Variants in TRIM16 observed in about 807,000 individuals in gnomAD.
TRIM16 encodes the protein tripartite motif containing 16.
In TRIM16, 33 loss-of-function variants were observed where a neutral mutation model predicts 50.4. The observed-to-expected ratio is 0.65, with a 90% CI of 0.50 to 0.88. The LOEUF (loss-of-function observed/expected upper bound fraction) is 0.88. Ranked by LOEUF, TRIM16 falls within the 40% of genes least tolerant of loss-of-function variation. TRIM16 has a pLI of 0.00. For missense variants in TRIM16, 581 were observed against 686.8 expected (o/e 0.85, Z 1.72); for synonymous variants, 229 against 270.7 (o/e 0.85, Z 1.51).
chr17:15,660,230 T>C (rs968720667), intron 6 of TRIM16, among the ~76,000 whole-genome samples: 3 of 152,152 alleles, frequency 2.0e-5, no homozygotes, highest in Non-Finnish European at 4.4e-5. Flanking sequence ...GGAAAAAGCA[T>C]TGTTCATTCA....
chr17:15,632,734 TCTC>T (rs1466193370), intron 9 of TRIM16, 60 bp from the exon 10 acceptor site: 1 of 1,476,720 alleles, frequency 6.8e-7, no homozygotes, highest in Non-Finnish European at 9.0e-7. Context: ...CTCGGGCTTC[TCTC>T]CTCATTAAGT....
At chr17:15,629,706 AG>A (rs1392177578) in intron 11 of TRIM16, among the ~76,000 whole-genome samples, 3 of 152,232 alleles carry the variant, frequency 2.0e-5, no homozygotes, top group Non-Finnish European at 4.4e-5. Flanking sequence ...AAAGAATAAT[AG>A]GGTCTCATGC....
intron 6 of TRIM16, among the ~76,000 whole-genome samples, chr17:15,652,731 G>A (rs1047869012): frequency 2.6e-4 from 39 of 152,228 alleles, no homozygotes; most frequent in Middle Eastern, 6.8e-3. Context: ...AATGTGCTGG[G>A]ATTACAGGCA....
rs1231000706 is a variant in TRIM16 at position 15,680,863 on chromosome 17, A to T, written c.-590+2T>A. The T allele has an allele frequency of 1.3e-5, 20 of 1,541,966 alleles. No individual in the cohort carries two copies. Among genetic ancestry groups the T allele is most frequent in the Non-Finnish European group, 1.7e-5 (19 of 1,144,942 alleles). ...AAGAAGAGAGGAAAATCCCCAACTC[A>T]CCTGGGACTCTGCTGTCCGGCAAAG... On this transcript the variant is annotated splice_donor_variant, in intron 4 of 11. Coordinates refer to ENST00000649191, the MANE Select transcript of TRIM16 (RefSeq NM_001348119.1). LOFTEE classifies it low-confidence loss of function (5UTR_SPLICE).
chr17:15,659,559 A>G (rs1284320441), intron 6 of TRIM16, among the ~76,000 whole-genome samples: 3 of 152,236 alleles, frequency 2.0e-5, no homozygotes, highest in Admixed American at 6.5e-5. Flanking sequence ...CAACCTCTGT[A>G]ATAACTCTAA....
intron 5 of TRIM16, 141 bp from the exon 6 acceptor site, chr17:15,677,421 T>C: frequency 1.1e-6 from 1 of 909,086 alleles, no homozygotes; most frequent in Non-Finnish European, 1.3e-6. Context: ...TCTACCCAAG[T>C]AGGGTGAGAA....
At chr17:15,670,292 C>T (rs1339971122) in intron 6 of TRIM16, among the ~76,000 whole-genome samples, 1 of 152,202 alleles carries the variant, frequency 6.6e-6, no homozygotes, top group African/African-American at 2.4e-5. Context: ...TTCCCAGGCC[C>T]AGGGCAGGAC....
At chr17:15,655,796 A>C (rs182652182) in intron 6 of TRIM16, among the ~76,000 whole-genome samples, 1 of 152,142 alleles carries the variant, frequency 6.6e-6, no homozygotes, top group East Asian at 1.9e-4. Flanking sequence ...GGATGGTCTC[A>C]ATCTCCTGAC....
At chr17:15,663,311 T>C (rs979712636) in intron 6 of TRIM16, among the ~76,000 whole-genome samples, 2 of 152,166 alleles carry the variant, frequency 1.3e-5, no homozygotes, top group African/African-American at 2.4e-5. Context: ...CTGCAGCCAT[T>C]AGATGCTGAA....
At chr17:15,648,828 C>A (rs180936576) in intron 7 of TRIM16, among the ~76,000 whole-genome samples, 1 of 152,306 alleles carries the variant, frequency 6.6e-6, no homozygotes, top group African/African-American at 2.4e-5. Flanking sequence ...AGTAAACTTG[C>A]TCTCCGAGCT....
chr17:15,683,852 G>A (rs1989275183), intron 1 of TRIM16: 1 of 152,226 alleles, frequency 6.6e-6, no homozygotes, highest in African/African-American at 2.4e-5. Flanking sequence ...CACACTGCAG[G>A]CTGCAGAGAC....
chr17:15,647,884 G>C lies in TRIM16; in HGVS notation c.519+3207C>G, dbSNP rs557269874. Among the ~76,000 whole-genome samples, 4 of 151,894 alleles carry C rather than the reference G, an allele frequency of 2.6e-5. No homozygotes were observed. In the East Asian group the frequency reaches 7.8e-4, roughly 29 times the overall value. On this transcript the variant is annotated intron_variant, in intron 7 of 11. Transcript: ENST00000649191. ...TTCTACATAGCAAGCCTGAGATTCAGAGAAGGTGAGAAGACTTGGCAGCCA... is the reference window on the plus strand; with the variant it reads ...TTCTACATAGCAAGCCTGAGATTCACAGAAGGTGAGAAGACTTGGCAGCCA...
At chr17:15,634,266 T>C (rs1363641422) in intron 9 of TRIM16, among the ~76,000 whole-genome samples, 5 of 146,116 alleles carry the variant, frequency 3.4e-5, no homozygotes, top group African/African-American at 7.7e-5. Flanking sequence ...GAGGTGGAGC[T>C]TTCAGTGAGC....
intron 6 of TRIM16, among the ~76,000 whole-genome samples, chr17:15,656,133 C>T (rs1299109278): frequency 6.6e-6 from 1 of 152,032 alleles, no homozygotes; most frequent in East Asian, 1.9e-4. Flanking sequence ...ACTTCTAAGT[C>T]CCCTCTAATG....
At chr17:15,645,831 C>T (rs1307087609) in intron 7 of TRIM16, among the ~76,000 whole-genome samples, 1 of 152,192 alleles carries the variant, frequency 6.6e-6, no homozygotes, top group Non-Finnish European at 1.5e-5. Context: ...CCAGTGACCT[C>T]TCACCCTTGA....
chr17:15,645,961 A>T lies in TRIM16; in HGVS notation c.520-3145T>A, dbSNP rs201228216. Among the ~76,000 whole-genome samples, 47 of 152,252 alleles carry T rather than the reference A, an allele frequency of 3.1e-4. No individual in the cohort carries two copies. The East Asian group carries it at 7.3e-3, about 24-fold the overall frequency. ...CAGTGACCCATTCCAGGGGAGAGAA[A>T]AGGAACATGAGCTGCTTGTTTAAAG... is the stretch of plus-strand genomic sequence containing the variant. On this transcript the variant is annotated intron_variant, in intron 7 of 11. Transcript: ENST00000649191.
At chr17:15,653,988 A>AAG (rs745431397) in intron 6 of TRIM16, among the ~76,000 whole-genome samples, 34 of 152,150 alleles carry the variant, frequency 2.2e-4, no homozygotes, top group African/African-American at 7.7e-4. Flanking sequence ...AGGCGAATGG[A>AAG]AGAGAGAGAG....
chr17:15,670,603 A>C (rs1460927548), intron 6 of TRIM16, among the ~76,000 whole-genome samples: 1 of 152,212 alleles, frequency 6.6e-6, no homozygotes, highest in Non-Finnish European at 1.5e-5. Flanking sequence ...GCAAAATAAA[A>C]GGCCCATATT....
At chr17:15,653,416 G>T (rs1254952504) in intron 6 of TRIM16, among the ~76,000 whole-genome samples, 7 of 152,148 alleles carry the variant, frequency 4.6e-5, no homozygotes, top group Non-Finnish European at 1.0e-4. Flanking sequence ...TGCCAGGGCT[G>T]CCATAGCAAA....
Sources: gnomAD v4.1 joint callset for allele counts (sites outside exome capture counted in the v4.1 genomes callset) on GRCh38, gnomAD v4.1.1 for gene constraint, MANE v1.5 for transcripts, NCBI Gene and HGNC (gene_info 2026-07-23, HGNC 2026-07-21) for gene names.